The following NAALADL2 variants were observed in gnomAD, a reference collection of about 807,000 sequenced individuals.
NAALADL2 encodes N-acetylated alpha-linked acidic dipeptidase like 2.
Under a neutral mutation model 87.2 loss-of-function variants are expected in NAALADL2, and 76 were observed. The observed-to-expected ratio is 0.87, with a 90% CI of 0.72 to 1.05. The LOEUF is 1.05. NAALADL2 is among the 50% of genes least tolerant of loss of function. The pLI, the probability that NAALADL2 is intolerant of heterozygous loss-of-function variation, is 0.00. For synonymous variants in NAALADL2, 354 were observed against 331.0 expected, an observed-to-expected ratio of 1.07 and a Z score of -0.75; for missense variants, 1,089 against 945.8, an observed-to-expected ratio of 1.15 and a Z score of -1.99.
At chr3:174,794,192 A>C (rs987694563) in intron 3 of NAALADL2, among the ~76,000 whole-genome samples, 3 of 152,136 alleles carry the variant, frequency 2.0e-5, no homozygotes, top group African/African-American at 7.2e-5. Context: ...TTAGTGTTTA[A>C]TAACAGGTTC....
intron 13 of NAALADL2, among the ~76,000 whole-genome samples, chr3:175,787,352 GCAAT>G (rs1752160325): frequency 6.6e-6 from 1 of 152,198 alleles, no homozygotes; most frequent in African/African-American, 2.4e-5. Context: ...TGCTGTGCTA[GCAAT>G]CAGTGAGACT....
At chr3:175,798,526 G>T (rs892333156) in intron 13 of NAALADL2, among the ~76,000 whole-genome samples, 3 of 151,962 alleles carry the variant, frequency 2.0e-5, no homozygotes, top group African/African-American at 7.2e-5. Flanking sequence ...TGCTCATAGG[G>T]CTTGTTTACA....
intron 11 of NAALADL2, among the ~76,000 whole-genome samples, chr3:175,729,278 C>T (rs1212160822): frequency 6.6e-6 from 1 of 152,104 alleles, no homozygotes; most frequent in African/African-American, 2.4e-5. Flanking sequence ...TGGTAATGAT[C>T]ACACAATAAA....
chr3:175,440,228 T>C (rs1320423582), intron 5 of NAALADL2, among the ~76,000 whole-genome samples: 3 of 152,180 alleles, frequency 2.0e-5, no homozygotes, highest in African/African-American at 4.8e-5. Context: ...TTCTCTATTC[T>C]GTTCCATTGA....
At chr3:174,602,631 T>G (rs1718570877) in intron 2 of NAALADL2, among the ~76,000 whole-genome samples, 1 of 152,014 alleles carries the variant, frequency 6.6e-6, no homozygotes, top group Non-Finnish European at 1.5e-5. Flanking sequence ...CTTTGTCTTC[T>G]CAGATTGCTC....
intron 5 of NAALADL2, among the ~76,000 whole-genome samples, chr3:175,382,807 C>A (rs1045833635): frequency 5.3e-5 from 8 of 151,668 alleles, no homozygotes; most frequent in African/African-American, 1.7e-4. Flanking sequence ...ACGTATTCTC[C>A]TTACCTGGGG....
intron 11 of NAALADL2, among the ~76,000 whole-genome samples, chr3:175,736,072 C>A (rs1744461354): frequency 6.6e-6 from 1 of 152,092 alleles, no homozygotes; most frequent in South Asian, 2.1e-4. Context: ...ATTTAAATAT[C>A]ACTTATGAGA....
chr3:175,152,265 G>A (rs1242362914), intron 2 of NAALADL2, among the ~76,000 whole-genome samples: 1 of 152,124 alleles, frequency 6.6e-6, no homozygotes, highest in East Asian at 1.9e-4. Flanking sequence ...GTGTTTCTGA[G>A]ATCATAGATC....
intron 1 of NAALADL2, among the ~76,000 whole-genome samples, chr3:174,880,529 CT>C (rs1729066648): frequency 6.6e-6 from 1 of 152,016 alleles, no homozygotes; most frequent in Non-Finnish European, 1.5e-5. Flanking sequence ...TCTGACTAGT[CT>C]TCTGATGGGT....
chr3:175,220,272 A>G (rs1018712103), intron 2 of NAALADL2, among the ~76,000 whole-genome samples: 2 of 151,804 alleles, frequency 1.3e-5, no homozygotes, highest in African/African-American at 4.8e-5. Context: ...TGATTCTTGC[A>G]TGTGTCTGTT....
At chr3:175,442,495 C>A (rs1297538645) in intron 5 of NAALADL2, among the ~76,000 whole-genome samples, 3 of 152,122 alleles carry the variant, frequency 2.0e-5, no homozygotes, top group Non-Finnish European at 4.4e-5. Flanking sequence ...TGGCTCTGAA[C>A]TAATATACTA....
intron 11 of NAALADL2, among the ~76,000 whole-genome samples, chr3:175,633,016 T>C (rs1728011340): frequency 6.6e-6 from 1 of 152,110 alleles, no homozygotes; most frequent in African/African-American, 2.4e-5. Flanking sequence ...ACTGATAATG[T>C]AGATGATGTT....
intron 11 of NAALADL2, among the ~76,000 whole-genome samples, chr3:175,668,508 G>A (rs932954934): frequency 6.6e-6 from 1 of 151,912 alleles, no homozygotes; most frequent in Non-Finnish European, 1.5e-5. Flanking sequence ...GTCTTGTGTA[G>A]GTGACCACAG....
chr3:174,513,115 C>G (rs1719713491), intron 1 of NAALADL2, among the ~76,000 whole-genome samples: 1 of 152,014 alleles, frequency 6.6e-6, no homozygotes. Flanking sequence ...GCGTGTGCCA[C>G]CACGCCTGGC....
chr3:174,815,847 T>A (rs6794559), intron 3 of NAALADL2, among the ~76,000 whole-genome samples: 39,393 of 145,810 alleles, frequency 0.27, 5,640 homozygotes, highest in East Asian at 0.43. Context: ...TTTTTTTTTT[T>A]TTTTTTTTTT....
intron 4 of NAALADL2, among the ~76,000 whole-genome samples, chr3:175,261,793 G>A (rs532712093): frequency 2.6e-5 from 4 of 152,044 alleles, no homozygotes; most frequent in Non-Finnish European, 5.9e-5. Flanking sequence ...AATATAAATA[G>A]AAACTAGTAT....
At chr3:175,487,853 T>G (rs527987159) in intron 9 of NAALADL2, among the ~76,000 whole-genome samples, 19 of 152,210 alleles carry the variant, frequency 1.2e-4, no homozygotes, top group Non-Finnish European at 2.1e-4. Flanking sequence ...ATAGGATGTC[T>G]GCCATTCCCA....
chr3:175,506,281 A>G (rs1338498055), intron 9 of NAALADL2, among the ~76,000 whole-genome samples: 1 of 152,222 alleles, frequency 6.6e-6, no homozygotes, highest in Non-Finnish European at 1.5e-5. Flanking sequence ...ACTTTATTGC[A>G]CTACACATGC....
chr3:175,019,591 A>G (rs928843423), intron 1 of NAALADL2, among the ~76,000 whole-genome samples: 4 of 151,956 alleles, frequency 2.6e-5, no homozygotes, highest in African/African-American at 7.2e-5. Flanking sequence ...AACTGACCAA[A>G]TGGTACAAAC....
Sources: allele counts gnomAD v4.1 joint callset (sites outside exome capture counted in the v4.1 genomes callset), GRCh38; gene constraint gnomAD v4.1.1; transcripts MANE v1.5; gene names NCBI Gene and HGNC (gene_info 2026-07-23, HGNC 2026-07-21).